The following ITFG1 variants were observed in gnomAD, a reference collection of about 807,000 sequenced individuals.
ITFG1 encodes the protein T-cell immunomodulatory protein.
Under a neutral mutation model 81.8 loss-of-function variants are expected in ITFG1, and 34 were observed. The ratio of observed to expected loss-of-function variants is 0.42; its 90% CI spans 0.32 to 0.55. The LOEUF (loss-of-function observed/expected upper bound fraction) is 0.55. ITFG1 is among the 20% of genes least tolerant of loss of function. ITFG1 has a pLI of 0.17. For synonymous variants in ITFG1, 285 were observed against 270.6 expected (o/e 1.05, Z -0.52); for missense variants, 672 against 755.4 (o/e 0.89, Z 1.29).
chr16:47,186,378 C>T (rs1332069929), intron 14 of ITFG1, among the ~76,000 whole-genome samples: 6 of 152,128 alleles, frequency 3.9e-5, no homozygotes, highest in East Asian at 3.9e-4. Flanking sequence ...ACTGGCAAAC[C>T]GAATCCAGCA....
intron 10 of ITFG1, among the ~76,000 whole-genome samples, chr16:47,278,451 G>A (rs1567443950): frequency 6.6e-6 from 1 of 152,162 alleles, no homozygotes; most frequent in Non-Finnish European, 1.5e-5. Context: ...GGCGGCTGCT[G>A]CTACCTCGCT....
intron 10 of ITFG1, chr16:47,299,448 G>C (rs1326853221): frequency 6.5e-6 from 1 of 152,790 alleles, no homozygotes; most frequent in African/African-American, 2.4e-5. Context: ...GGGAAAGCTG[G>C]TGGTGTTGGG....
At chr16:47,428,686 C>A in intron 6 of ITFG1, 118 bp downstream of exon 6, 1 of 711,356 alleles carries the variant, frequency 1.4e-6, no homozygotes, top group South Asian at 1.7e-5. Flanking sequence ...TTTCTAACAT[C>A]CTTTAAACAT....
intron 6 of ITFG1, among the ~76,000 whole-genome samples, chr16:47,385,751 T>C (rs1168073170): frequency 6.6e-6 from 1 of 152,236 alleles, no homozygotes; most frequent in Non-Finnish European, 1.5e-5. Flanking sequence ...CTCACTTCAA[T>C]GAGAAGACTT....
intron 17 of ITFG1, among the ~76,000 whole-genome samples, chr16:47,158,089 GTTT>G (rs1170074222): frequency 1.3e-5 from 2 of 152,134 alleles, no homozygotes; most frequent in Non-Finnish European, 2.9e-5. Flanking sequence ...TGAAAAAGAT[GTTT>G]ATGGCTTTTT....
At chr16:47,246,452 G>A (rs1966003175) in intron 12 of ITFG1, among the ~76,000 whole-genome samples, 1 of 152,120 alleles carries the variant, frequency 6.6e-6, no homozygotes, top group South Asian at 2.1e-4. Context: ...CAGATTCAAG[G>A]AGAAACAATA....
In ITFG1 at chr16:47,244,604, TG is replaced by T. The variant is rs1596831501; in HGVS notation, c.1331-6597del. On this transcript the variant is annotated intron_variant, in intron 12 of 17. Transcript: ENST00000320640. ...GTATTCCATCTTTTGTGTGTGTGTG[TG>T]TGTGTGTGTGTGTGTGTGTGTGTGT... Among the ~76,000 whole-genome samples, 186 of 57,148 alleles carry T rather than the reference TG, an allele frequency of 3.3e-3. 5 individuals carry two copies. Among genetic ancestry groups the T allele is most frequent in the Admixed American group, 0.018 (138 of 7,662 alleles). 37.5% of individuals were successfully genotyped at this position (57,148 alleles called of 152,430 possible).
intron 12 of ITFG1, among the ~76,000 whole-genome samples, chr16:47,258,092 A>C (rs941155153): frequency 3.3e-5 from 5 of 152,222 alleles, no homozygotes; most frequent in African/African-American, 1.2e-4. Context: ...AAAGGGGAAA[A>C]CAGTGAGTTT....
chr16:47,303,334 T>C (rs1412209324), intron 10 of ITFG1, among the ~76,000 whole-genome samples: 1 of 152,164 alleles, frequency 6.6e-6, no homozygotes, highest in Non-Finnish European at 1.5e-5. Flanking sequence ...GTATAGTATA[T>C]ATTCTTTATT....
intron 6 of ITFG1, among the ~76,000 whole-genome samples, chr16:47,384,509 C>G (rs1398465775): frequency 2.0e-5 from 3 of 152,072 alleles, no homozygotes; most frequent in Non-Finnish European, 4.4e-5. Flanking sequence ...TAACCTGTCT[C>G]TAAGGTTTCC....
At chr16:47,385,151 C>T (rs1467358546) in intron 6 of ITFG1, among the ~76,000 whole-genome samples, 3 of 152,140 alleles carry the variant, frequency 2.0e-5, no homozygotes, top group Non-Finnish European at 4.4e-5. Context: ...GCTAACATTA[C>T]CAACACGTGA....
intron 13 of ITFG1, among the ~76,000 whole-genome samples, chr16:47,227,148 G>C (rs1241214865): frequency 6.6e-6 from 1 of 152,064 alleles, no homozygotes; most frequent in African/African-American, 2.4e-5. Flanking sequence ...TATCCCATAC[G>C]TCATAGCATT....
intron 2 of ITFG1, among the ~76,000 whole-genome samples, chr16:47,458,643 C>A (rs1969482694): frequency 6.6e-6 from 1 of 152,080 alleles, no homozygotes; most frequent in African/African-American, 2.4e-5. Flanking sequence ...GATAATTAAA[C>A]TTGAATTCCT....
At chr16:47,321,956 G>C (rs182056875) in intron 8 of ITFG1, among the ~76,000 whole-genome samples, 67 of 152,252 alleles carry the variant, frequency 4.4e-4, no homozygotes, top group Admixed American at 4.2e-3. Flanking sequence ...TTACTATGTG[G>C]AAGGGATAAA....
Position 47,336,776 on chromosome 16 carries a change from A to G in ITFG1, c.803-22953T>C, listed in dbSNP as rs553002989. Among the ~76,000 whole-genome samples, 6 of 152,194 alleles carry G rather than the reference A, an allele frequency of 3.9e-5. No homozygotes were observed. In the South Asian group the frequency reaches 6.2e-4, roughly 16 times the overall value. The stretch of plus-strand genomic sequence containing the variant: ...TCAGGAGTTCTAGACCTGCCTGGCC[A>G]ACATGGCAAAATCCTGTCTCTACTA... On this transcript the variant is annotated intron_variant, in intron 8 of 17. Coordinates refer to ENST00000320640, the MANE Select transcript of ITFG1 (RefSeq NM_030790.5).
At chr16:47,293,057 C>G (rs1000986669) in intron 10 of ITFG1, among the ~76,000 whole-genome samples, 33 of 147,302 alleles carry the variant, frequency 2.2e-4, no homozygotes, top group Non-Finnish European at 4.5e-4. Context: ...ATCATATATA[C>G]AAATACACAT....
At chr16:47,286,250 T>C (rs1306585125) in intron 10 of ITFG1, among the ~76,000 whole-genome samples, 1 of 152,166 alleles carries the variant, frequency 6.6e-6, no homozygotes, top group Non-Finnish European at 1.5e-5. Context: ...TTGTCCTCCA[T>C]TATGGGTGCA....
chr16:47,347,783 G>A (rs773319481), intron 8 of ITFG1, among the ~76,000 whole-genome samples: 2 of 152,202 alleles, frequency 1.3e-5, no homozygotes, highest in Non-Finnish European at 2.9e-5. Context: ...GCCTATCTGG[G>A]AGGCACCCCC....
At chr16:47,446,840 T>C (rs771487385) in intron 5 of ITFG1, among the ~76,000 whole-genome samples, 2 of 151,998 alleles carry the variant, frequency 1.3e-5, no homozygotes, top group Non-Finnish European at 2.9e-5. Context: ...GCTATATACA[T>C]GGATTTTTCA....
Sources: gnomAD v4.1 joint callset for allele counts (sites outside exome capture counted in the v4.1 genomes callset) on GRCh38, gnomAD v4.1.1 for gene constraint, MANE v1.5 for transcripts, NCBI Gene and HGNC (gene_info 2026-07-23, HGNC 2026-07-21) for gene names.